Variants in ASTN2 observed in about 807,000 individuals in gnomAD.
ASTN2 encodes astrotactin 2, also known as astrotactin-2.
Under a neutral mutation model 139.8 loss-of-function variants are expected in ASTN2, and 54 were observed. The ratio of observed to expected loss-of-function variants is 0.39; its 90% CI spans 0.31 to 0.48. The LOEUF (loss-of-function observed/expected upper bound fraction) is 0.48, where lower values mean the gene tolerates loss of function less well. ASTN2 is among the 20% of genes least tolerant of loss of function. The pLI, the probability that ASTN2 is intolerant of heterozygous loss-of-function variation, is 0.95. For synonymous variants in ASTN2, 756 were observed against 719.5 expected (o/e 1.05, Z -0.81); for missense variants, 1,565 against 1,725.1 (o/e 0.91, Z 1.64).
At chr9:117,223,688 G>T (rs1354157026) in intron 2 of ASTN2, among the ~76,000 whole-genome samples, 1 of 152,072 alleles carries the variant, frequency 6.6e-6, no homozygotes, top group African/African-American at 2.4e-5. Context: ...GAAGAAAAAG[G>T]CACAACAAAT....
rs541625877 is a variant in ASTN2, at chr9:117,283,044, GATTTTA to G, written c.630+8276_630+8281del. ...TTATGTGCATTAAGTTTGATGTTATGATTTTAATTTTATTTCCATTTTGCAAATGAT... is the reference window on the plus strand; with the variant it reads ...TTATGTGCATTAAGTTTGATGTTATGATTTTATTTCCATTTTGCAAATGAT... On this transcript the variant is annotated intron_variant, in intron 2 of 22. Coordinates refer to ENST00000313400, the MANE Select transcript of ASTN2 (RefSeq NM_001365068.1). Among the ~76,000 whole-genome samples, 650 of 144,568 alleles carry G rather than the reference GATTTTA, an allele frequency of 4.5e-3. 5 individuals carry two copies. Among genetic ancestry groups the G allele is most frequent in the Non-Finnish European group, 7.5e-3 (499 of 66,392 alleles). 94.8% of individuals were successfully genotyped at this position (144,568 alleles called of 152,430 possible). A position where few individuals can be genotyped will look rare whatever the true frequency, so the allele number is the denominator to read the frequency against.
At chr9:117,378,783 G>A (rs2130924743) in intron 1 of ASTN2, among the ~76,000 whole-genome samples, 1 of 152,284 alleles carries the variant, frequency 6.6e-6, no homozygotes, top group Non-Finnish European at 1.5e-5. Flanking sequence ...TCTTAGATAT[G>A]TTTTAGATCT....
intron 1 of ASTN2, among the ~76,000 whole-genome samples, chr9:117,316,417 T>G (rs1388043462): frequency 2.0e-5 from 3 of 151,890 alleles, no homozygotes; most frequent in Admixed American, 6.6e-5. Flanking sequence ...GATAAAGAAT[T>G]GTATGTTGGG....
chr9:116,919,640 AT>A (rs72054196), intron 10 of ASTN2, among the ~76,000 whole-genome samples: 5,543 of 113,472 alleles, frequency 0.049, 229 homozygotes, highest in African/African-American at 0.14. Context: ...CAAAAACATC[AT>A]TTTTTTTTTT....
rs547979507 is a variant in ASTN2 at position 117,108,817 on chromosome 9, T to A, written c.1169-12666A>T. The stretch of plus-strand genomic sequence containing the variant: ...TTCCCATGCAACAAACCAACCCAAA[T>A]AGAAATGCAATACATCTGGCATAAT... On this transcript the variant is annotated intron_variant, in intron 4 of 22. Transcript: ENST00000313400. Among the ~76,000 whole-genome samples the A allele has an allele frequency of 2.6e-5, 4 of 152,224 alleles. No homozygotes were observed. The South Asian group carries it at 8.3e-4, about 32-fold the overall frequency.
intron 2 of ASTN2, among the ~76,000 whole-genome samples, chr9:117,257,120 A>C (rs1833708166): frequency 6.6e-6 from 1 of 152,224 alleles, no homozygotes; most frequent in Non-Finnish European, 1.5e-5. Flanking sequence ...CAAACGTTTC[A>C]GAAACAAACT....
chr9:116,600,025 T>C (rs1854791487), intron 19 of ASTN2, among the ~76,000 whole-genome samples: 1 of 152,110 alleles, frequency 6.6e-6, no homozygotes, highest in Non-Finnish European at 1.5e-5. Context: ...TGAACTTCTA[T>C]ATTAAAGATT....
chr9:116,914,860 G>C (rs993024313), intron 10 of ASTN2, among the ~76,000 whole-genome samples: 3 of 152,160 alleles, frequency 2.0e-5, no homozygotes, highest in African/African-American at 7.2e-5. Context: ...CCATTTTGTA[G>C]ATGAGCTAAC....
At chr9:116,655,515 A>G (rs1295350734) in intron 16 of ASTN2, among the ~76,000 whole-genome samples, 2 of 151,962 alleles carry the variant, frequency 1.3e-5, no homozygotes, top group Non-Finnish European at 2.9e-5. Context: ...CCTTGCATAT[A>G]CCCTCTGCCT....
In ASTN2 at chr9:116,448,070, T is replaced by C. The variant is rs184094107; in HGVS notation, c.3498-5517A>G. Among the ~76,000 whole-genome samples the C allele has an allele frequency of 1.4e-4, 21 of 152,214 alleles. No homozygotes were observed. In the East Asian group the frequency reaches 4.1e-3, roughly 29 times the overall value. ...CGTCAGGCCTGGGTCCCCGAGAGTATAGGAGAATGCGTTTGAAGTCTCCAG... is the reference window on the plus strand; with the variant it reads ...CGTCAGGCCTGGGTCCCCGAGAGTACAGGAGAATGCGTTTGAAGTCTCCAG... On this transcript the variant is annotated intron_variant, in intron 20 of 22. Coordinates refer to ENST00000313400, the MANE Select transcript of ASTN2 (RefSeq NM_001365068.1).
intron 1 of ASTN2, among the ~76,000 whole-genome samples, chr9:117,299,580 A>T (rs530041803): frequency 1.3e-5 from 2 of 152,314 alleles, no homozygotes; most frequent in South Asian, 4.1e-4. Flanking sequence ...AAAGGGATAC[A>T]GTGGGGGGAA....
chr9:117,060,100 C>G (rs1323164968), intron 5 of ASTN2, among the ~76,000 whole-genome samples: 1 of 152,024 alleles, frequency 6.6e-6, no homozygotes, highest in Admixed American at 6.6e-5. Flanking sequence ...GGCTTGAGGA[C>G]AGAAGTTTGA....
chr9:117,142,130 G>A (rs1830089614), intron 3 of ASTN2, among the ~76,000 whole-genome samples: 1 of 152,182 alleles, frequency 6.6e-6, no homozygotes, highest in Non-Finnish European at 1.5e-5. Context: ...CAAAGAGGAG[G>A]CTTATGGGAG....
Position 116,745,597 on chromosome 9 carries a change from T to C in ASTN2, c.2397-12074A>G, listed in dbSNP as rs184567446. ...TCAATGCTGCAAGGATCTATATAAC[T>C]AGTTTCCCTCAGAGCCCTCCTCCCC... On this transcript the variant is annotated intron_variant, in intron 13 of 22. Transcript: ENST00000313400. Among the ~76,000 whole-genome samples the C allele has an allele frequency of 1.6e-3, 249 of 152,276 alleles. 2 individuals are homozygous for C. Among genetic ancestry groups the C allele is most frequent in the Admixed American group, 4.1e-3 (63 of 15,296 alleles).
chr9:116,653,983 C>T (rs575364503), intron 16 of ASTN2, among the ~76,000 whole-genome samples: 3 of 152,216 alleles, frequency 2.0e-5, no homozygotes, highest in African/African-American at 7.2e-5. Flanking sequence ...CAGCTAGAGA[C>T]AGTCTTATAT....
chr9:116,853,762 C>T (rs918934332), intron 11 of ASTN2, among the ~76,000 whole-genome samples: 1 of 152,124 alleles, frequency 6.6e-6, no homozygotes, highest in African/African-American at 2.4e-5. Context: ...TGAAAAAATC[C>T]ATCCCACACC....
intron 14 of ASTN2, 118 bp from the exon 15 acceptor site, chr9:116,729,214 C>A: frequency 1.4e-6 from 1 of 732,712 alleles, no homozygotes. Context: ...ACAACTTTCA[C>A]TGGGATTGAC....
At position 116,508,566 on chromosome 9, in the gene ASTN2, G is replaced by A. The variant is rs75987390; in HGVS notation, c.3356-21066C>T. 2.2e-4 allele frequency among the ~76,000 whole-genome samples: 34 copies of A among 152,188 alleles called. No individual in the cohort carries two copies. The East Asian group carries it at 6.0e-3, about 27-fold the overall frequency. On this transcript the variant is annotated intron_variant, in intron 19 of 22. Transcript: ENST00000313400. ...AGGTATCATCAAAACCCTTGCCCAC[G>A]TGGTGCCTTACAGTTTACAAAGTAC... is the stretch of plus-strand genomic sequence containing the variant.
chr9:116,989,105 G>T (rs1480663688), intron 7 of ASTN2, among the ~76,000 whole-genome samples: 1 of 152,064 alleles, frequency 6.6e-6, no homozygotes, highest in Non-Finnish European at 1.5e-5. Context: ...TTGCAAAAGG[G>T]TTCTTCACTC....
Sources: gnomAD v4.1 joint callset for allele counts (sites outside exome capture counted in the v4.1 genomes callset) on GRCh38, gnomAD v4.1.1 for gene constraint, MANE v1.5 for transcripts, NCBI Gene and HGNC (gene_info 2026-07-23, HGNC 2026-07-21) for gene names.